The following RBMS3 variants were observed in gnomAD, a reference collection of about 807,000 sequenced individuals.
The protein encoded by RBMS3 is RNA-binding motif, single-stranded-interacting protein 3.
RBMS3 carries 27 observed loss-of-function variants against 66.8 expected under a neutral mutation model. The observed-to-expected ratio is 0.40, with a 90% CI of 0.30 to 0.56. The LOEUF (loss-of-function observed/expected upper bound fraction) is 0.56, where lower values mean the gene tolerates loss of function less well. Ranked by LOEUF, RBMS3 falls within the 20% of genes least tolerant of loss-of-function variation. The probability of loss-of-function intolerance (pLI) is 0.40; values close to 1 mark genes in which losing one functional copy is unlikely to be tolerated. For missense variants in RBMS3, 513 were observed against 549.5 expected, an observed-to-expected ratio of 0.93 and a Z score of 0.66; for synonymous variants, 188 against 183.0, an observed-to-expected ratio of 1.03 and a Z score of -0.22.
intron 6 of RBMS3, among the ~76,000 whole-genome samples, chr3:29,819,844 A>G (rs2149472781): frequency 6.6e-6 from 1 of 152,304 alleles, no homozygotes; most frequent in South Asian, 2.1e-4. Context: ...TTTTTGGTGA[A>G]TATAGACTGA....
At chr3:29,414,220 T>C (rs2040387076) in intron 1 of RBMS3, among the ~76,000 whole-genome samples, 1 of 152,202 alleles carries the variant, frequency 6.6e-6, no homozygotes, top group East Asian at 1.9e-4. Flanking sequence ...AAAAAGGTCT[T>C]GAACTGCAAT....
chr3:29,695,576 C>A (rs1326418644), intron 4 of RBMS3, among the ~76,000 whole-genome samples: 1 of 151,346 alleles, frequency 6.6e-6, no homozygotes, highest in Non-Finnish European at 1.5e-5. Flanking sequence ...CCCTTTTTTT[C>A]TTCCAAGTGC....
chr3:29,582,916 C>T (rs1257524886), intron 3 of RBMS3, among the ~76,000 whole-genome samples: 3 of 152,102 alleles, frequency 2.0e-5, no homozygotes, highest in Non-Finnish European at 4.4e-5. Flanking sequence ...TTTACATAAA[C>T]TTCTATTGTA....
chr3:29,452,940 A>G (rs534440200), intron 2 of RBMS3, among the ~76,000 whole-genome samples: 1 of 152,360 alleles, frequency 6.6e-6, no homozygotes, highest in Admixed American at 6.5e-5. Flanking sequence ...TCAAGTTTAC[A>G]TAGCCTGAAA....
At chr3:29,618,162 T>C (rs1023658545) in intron 4 of RBMS3, among the ~76,000 whole-genome samples, 1 of 152,168 alleles carries the variant, frequency 6.6e-6, no homozygotes, top group Non-Finnish European at 1.5e-5. Context: ...AGGATATAAA[T>C]GTATTAGCTA....
intron 6 of RBMS3, among the ~76,000 whole-genome samples, chr3:29,815,829 G>T (rs537550827): frequency 3.3e-5 from 5 of 151,994 alleles, no homozygotes; most frequent in African/African-American, 1.2e-4. Context: ...CTACACATTG[G>T]GTATAGTGTA....
intron 4 of RBMS3, among the ~76,000 whole-genome samples, chr3:29,734,189 A>G (rs975677477): frequency 1.3e-5 from 2 of 152,106 alleles, no homozygotes; most frequent in East Asian, 1.9e-4. Context: ...CAGGAGCTAA[A>G]AAACTTGAAC....
At chr3:29,534,353 G>A (rs972175575) in intron 3 of RBMS3, among the ~76,000 whole-genome samples, 1 of 152,208 alleles carries the variant, frequency 6.6e-6, no homozygotes, top group Non-Finnish European at 1.5e-5. Context: ...TCCAAAATTG[G>A]TAACTGAAGT....
chr3:29,295,145 G>A (rs1392188548), intron 1 of RBMS3, among the ~76,000 whole-genome samples: 2 of 151,178 alleles, frequency 1.3e-5, no homozygotes, highest in African/African-American at 4.8e-5. Flanking sequence ...AGTACAAACT[G>A]TGATTTTGGT....
intron 1 of RBMS3, among the ~76,000 whole-genome samples, chr3:29,411,018 A>G (rs2040245910): frequency 6.6e-6 from 1 of 152,144 alleles, no homozygotes; most frequent in Admixed American, 6.5e-5. Flanking sequence ...GGAAAAGGAA[A>G]TTCAACCACT....
rs1179040356 is a variant in RBMS3, at chr3:29,619,201, G to A, written c.399+31996G>A. ...GAACTTAGATGAAGGGTCAATAGGT[G>A]CAGCAAACCACCATGGCATAAGTAT... On this transcript the variant is annotated intron_variant, in intron 4 of 14. Transcript: ENST00000383767. 4.0e-5 allele frequency among the ~76,000 whole-genome samples: 6 copies of A among 150,772 alleles called. No individual in the cohort carries two copies. The East Asian group carries it at 1.2e-3, about 30-fold the overall frequency.
At chr3:29,979,772 T>G (rs112720120) in intron 12 of RBMS3, among the ~76,000 whole-genome samples, 7,093 of 152,276 alleles carry the variant, frequency 0.047, 577 homozygotes, top group African/African-American at 0.16. Flanking sequence ...GAACTCATTC[T>G]TTTTATGGCT....
intron 2 of RBMS3, among the ~76,000 whole-genome samples, chr3:29,451,837 GCATAC>G (rs2042026827): frequency 6.6e-6 from 1 of 152,178 alleles, no homozygotes; most frequent in Non-Finnish European, 1.5e-5. Context: ...AAGTTTCCAA[GCATAC>G]CACGTTCATG....
chr3:29,925,244 G>A (rs1287787529), intron 10 of RBMS3: 2 of 152,048 alleles, frequency 1.3e-5, no homozygotes, highest in Non-Finnish European at 2.9e-5. Context: ...TATTTTTATG[G>A]TATGTATATT....
intron 1 of RBMS3, among the ~76,000 whole-genome samples, chr3:29,300,742 G>A (rs2033617534): frequency 6.6e-6 from 1 of 151,910 alleles, no homozygotes; most frequent in African/African-American, 2.4e-5. Flanking sequence ...AAATTAAGTT[G>A]TTTCCAAAAA....
At chr3:29,864,464 G>A (rs1470930211) in intron 6 of RBMS3, among the ~76,000 whole-genome samples, 3 of 152,150 alleles carry the variant, frequency 2.0e-5, no homozygotes, top group Non-Finnish European at 4.4e-5. Flanking sequence ...TAGAAACACA[G>A]ATCTTTTCCA....
chr3:29,431,554 C>G (rs1274072370), intron 1 of RBMS3, among the ~76,000 whole-genome samples: 3 of 151,852 alleles, frequency 2.0e-5, no homozygotes, highest in African/African-American at 7.3e-5. Flanking sequence ...GCCTCCCAAA[C>G]TGCTGGGACT....
intron 12 of RBMS3, among the ~76,000 whole-genome samples, chr3:29,979,851 T>G: frequency 6.6e-6 from 1 of 152,228 alleles, no homozygotes; most frequent in Non-Finnish European, 1.5e-5. Flanking sequence ...GGCGTTTGGG[T>G]TGGTTCCAAG....
At chr3:29,531,846 T>C (rs2045361682) in intron 3 of RBMS3, among the ~76,000 whole-genome samples, 1 of 152,212 alleles carries the variant, frequency 6.6e-6, no homozygotes, top group Non-Finnish European at 1.5e-5. Flanking sequence ...AAGCCACATT[T>C]GGTTAACCCA....
Sources: gnomAD v4.1 joint callset for allele counts (sites outside exome capture counted in the v4.1 genomes callset) on GRCh38, gnomAD v4.1.1 for gene constraint, MANE v1.5 for transcripts, NCBI Gene and HGNC (gene_info 2026-07-23, HGNC 2026-07-21) for gene names.